The following KCND2 variants were observed in gnomAD, a reference collection of about 807,000 sequenced individuals.
KCND2 encodes the protein potassium voltage-gated channel subfamily D member 2.
KCND2 carries 16 observed loss-of-function variants against 54.4 expected under a neutral mutation model. The ratio of observed to expected loss-of-function variants is 0.29; its 90% CI spans 0.20 to 0.45. KCND2 has a LOEUF of 0.45. Among genes scored for constraint, KCND2 ranks in the 20% least tolerant of loss-of-function variants. The pLI, the probability that KCND2 is intolerant of heterozygous loss-of-function variation, is 1.00. For synonymous variants in KCND2, 317 were observed against 310.7 expected, an observed-to-expected ratio of 1.02 and a Z score of -0.21; for missense variants, 486 against 824.2, an observed-to-expected ratio of 0.59 and a Z score of 5.02.
At chr7:120,511,020 TCTCTCA>T (rs932354084) in intron 1 of KCND2, among the ~76,000 whole-genome samples, 1 of 145,320 alleles carries the variant, frequency 6.9e-6, no homozygotes, top group Admixed American at 6.7e-5. Flanking sequence ...TCTCTCTCTC[TCTCTCA>T]CACACACACA....
At chr7:120,420,542 T>C (rs1801596722) in intron 1 of KCND2, among the ~76,000 whole-genome samples, 1 of 152,126 alleles carries the variant, frequency 6.6e-6, no homozygotes. Flanking sequence ...CATACCTCAG[T>C]ACAGCAGAGA....
At chr7:120,449,720 T>C (rs918361828) in intron 1 of KCND2, among the ~76,000 whole-genome samples, 5 of 152,220 alleles carry the variant, frequency 3.3e-5, no homozygotes, top group African/African-American at 1.2e-4. Flanking sequence ...GATCAGAAAG[T>C]CCTTAGTTAA....
At chr7:120,521,173 CA>C (rs1562862500) in intron 1 of KCND2, among the ~76,000 whole-genome samples, 1 of 151,942 alleles carries the variant, frequency 6.6e-6, no homozygotes. Context: ...AGCACCACAG[CA>C]TAAAAATACT....
intron 1 of KCND2, among the ~76,000 whole-genome samples, chr7:120,513,322 G>A (rs932073684): frequency 1.2e-4 from 18 of 152,066 alleles, no homozygotes; most frequent in African/African-American, 1.2e-4. Flanking sequence ...ACAAATACAC[G>A]TAATCAATGT....
chr7:120,677,977 A>G (rs1271267506), intron 1 of KCND2, among the ~76,000 whole-genome samples: 2 of 152,050 alleles, frequency 1.3e-5, no homozygotes, highest in African/African-American at 4.8e-5. Context: ...TGTTGCATCT[A>G]TATCCTTTAT....
rs539987477 is a variant in KCND2, at chr7:120,515,373, C to G, written c.1116-217530C>G. On this transcript the variant is annotated intron_variant, in intron 1 of 5. Coordinates refer to ENST00000331113, the MANE Select transcript of KCND2 (RefSeq NM_012281.3). ...CTGTATCGGGCAGAAAAACAGAATC[C>G]ACACCAGTTGTATTACAAGAGATAA... 2.4e-4 allele frequency among the ~76,000 whole-genome samples: 37 copies of G among 152,182 alleles called. No individual in the cohort carries two copies. The South Asian group carries it at 3.3e-3, about 14-fold the overall frequency.
intron 1 of KCND2, among the ~76,000 whole-genome samples, chr7:120,310,952 A>G (rs1191984777): frequency 6.6e-6 from 1 of 151,162 alleles, no homozygotes; most frequent in East Asian, 1.9e-4. Context: ...AAAAAAAAAG[A>G]AAGAAAGAAA....
At chr7:120,457,089 G>T (rs1404681825) in intron 1 of KCND2, among the ~76,000 whole-genome samples, 3 of 152,168 alleles carry the variant, frequency 2.0e-5, no homozygotes, top group Admixed American at 2.0e-4. Flanking sequence ...GTCATGGCTG[G>T]AGCAGCTGGG....
chr7:120,453,436 G>C (rs569852214), intron 1 of KCND2, among the ~76,000 whole-genome samples: 1 of 152,216 alleles, frequency 6.6e-6, no homozygotes, highest in Admixed American at 6.5e-5. Flanking sequence ...AACCTGGTAA[G>C]TGAGAACATG....
intron 1 of KCND2, among the ~76,000 whole-genome samples, chr7:120,685,275 T>G (rs1470809270): frequency 6.6e-6 from 1 of 152,170 alleles, no homozygotes; most frequent in Non-Finnish European, 1.5e-5. Flanking sequence ...CCCTTCCAGA[T>G]TTGGTTGTTA....
rs186505718 is a variant in KCND2 at position 120,712,609 on chromosome 7, G to A, written c.1116-20294G>A. The stretch of plus-strand genomic sequence containing the variant: ...TTTGTAGTGTAAGAGGAATACAAAT[G>A]AATAAAAGACTAATAGATAAGGAGA... On this transcript the variant is annotated intron_variant, in intron 1 of 5. Coordinates refer to ENST00000331113, the MANE Select transcript of KCND2 (RefSeq NM_012281.3). 4.6e-5 allele frequency among the ~76,000 whole-genome samples: 7 copies of A among 152,034 alleles called. No individual in the cohort carries two copies. The East Asian group carries it at 1.4e-3, about 29-fold the overall frequency.
intron 1 of KCND2, among the ~76,000 whole-genome samples, chr7:120,556,356 C>T (rs1460456893): frequency 6.6e-6 from 1 of 152,160 alleles, no homozygotes. Context: ...CTCTGACTTC[C>T]TACCAGATTA....
intron 1 of KCND2, among the ~76,000 whole-genome samples, chr7:120,480,366 G>T (rs2116278739): frequency 6.6e-6 from 1 of 152,198 alleles, no homozygotes; most frequent in African/African-American, 2.4e-5. Context: ...AGAAACTCCT[G>T]TATTCAATAA....
chr7:120,661,373 G>T (rs1313471395), intron 1 of KCND2, among the ~76,000 whole-genome samples: 1 of 152,152 alleles, frequency 6.6e-6, no homozygotes, highest in East Asian at 1.9e-4. Flanking sequence ...AGGAGGCCAG[G>T]CACTGTGGCT....
chr7:120,330,140 G>A (rs1800041965), intron 1 of KCND2, among the ~76,000 whole-genome samples: 1 of 152,086 alleles, frequency 6.6e-6, no homozygotes, highest in Admixed American at 6.6e-5. Context: ...CACTAGATAT[G>A]TGAACCTTAG....
chr7:120,567,739 T>C (rs571159854), intron 1 of KCND2, among the ~76,000 whole-genome samples: 3 of 152,084 alleles, frequency 2.0e-5, no homozygotes, highest in Non-Finnish European at 4.4e-5. Context: ...TTTATTAAGA[T>C]TTATATTTCT....
At chr7:120,684,996 A>G (rs1792183207) in intron 1 of KCND2, among the ~76,000 whole-genome samples, 1 of 152,326 alleles carries the variant, frequency 6.6e-6, no homozygotes, top group Middle Eastern at 3.4e-3. Flanking sequence ...TTCATTATAT[A>G]TTACAAAGTA....
At chr7:120,564,290 G>A (rs185420342) in intron 1 of KCND2, among the ~76,000 whole-genome samples, 114 of 152,198 alleles carry the variant, frequency 7.5e-4, no homozygotes, top group African/African-American at 2.6e-3. Context: ...AAACAGCAAC[G>A]TGATATTCTT....
intron 1 of KCND2, among the ~76,000 whole-genome samples, chr7:120,559,566 G>A (rs1189947029): frequency 6.6e-6 from 1 of 152,106 alleles, no homozygotes; most frequent in African/African-American, 2.4e-5. Flanking sequence ...TTTGGTATCT[G>A]GTTTTAACAA....
Sources: gnomAD v4.1 joint callset for allele counts (sites outside exome capture counted in the v4.1 genomes callset) on GRCh38, gnomAD v4.1.1 for gene constraint, MANE v1.5 for transcripts, NCBI Gene and HGNC (gene_info 2026-07-23, HGNC 2026-07-21) for gene names.